SCD5: variants seen among roughly 807,000 people sequenced by gnomAD.
SCD5 encodes stearoyl-CoA desaturase 5, also known as acyl-CoA-desaturase 4.
A neutral mutation model predicts 30.4 loss-of-function variants in SCD5; 20 were observed. The ratio of observed to expected loss-of-function variants is 0.66; its 90% CI spans 0.46 to 0.96. SCD5 has a LOEUF of 0.96. Among genes scored for constraint, SCD5 ranks in the 40% least tolerant of loss-of-function variants. The pLI is 0.00. For missense variants in SCD5, 381 were observed against 443.3 expected (o/e 0.86, Z 1.26); for synonymous variants, 173 against 176.4 (o/e 0.98, Z 0.16).
At chr4:82,710,707 C>G (rs1720063956) in intron 1 of SCD5, among the ~76,000 whole-genome samples, 1 of 151,904 alleles carries the variant, frequency 6.6e-6, no homozygotes, top group Non-Finnish European at 1.5e-5. Flanking sequence ...AAAGTCAGTT[C>G]TGGGCTCTGG....
At chr4:82,732,123 CGGAG>C (rs1399661305) in intron 1 of SCD5, among the ~76,000 whole-genome samples, 2 of 151,808 alleles carry the variant, frequency 1.3e-5, no homozygotes, top group South Asian at 4.2e-4. Context: ...TTTTTTGAGA[CGGAG>C]TCTTGCTCTG....
rs112745249 is a variant in SCD5 at position 82,767,600 on chromosome 4, T to C, written c.232+30706A>G. ...CAGACAGAATGACAAACCCAGGCCC[T>C]GTTACTCCATCTTGGCTGGAAGCAG... On this transcript the variant is annotated intron_variant, in intron 1 of 4. Coordinates refer to ENST00000319540, the MANE Select transcript of SCD5 (RefSeq NM_001037582.3). Among the ~76,000 whole-genome samples the C allele has an allele frequency of 5.3e-3, 806 of 152,346 alleles. 3 individuals carry two copies. The highest frequency in any genetic ancestry group is 0.011 in the Admixed American group (172 of 15,302).
chr4:82,693,063 T>C (rs949478625), intron 2 of SCD5, among the ~76,000 whole-genome samples: 1 of 152,102 alleles, frequency 6.6e-6, no homozygotes, highest in Non-Finnish European at 1.5e-5. Context: ...GACACCCTGG[T>C]TGGATGGGGG....
intron 1 of SCD5, among the ~76,000 whole-genome samples, chr4:82,762,748 T>A (rs114839257): frequency 0.016 from 2,482 of 152,342 alleles, 35 homozygotes; most frequent in Non-Finnish European, 0.026. Flanking sequence ...AACAACATTG[T>A]TTATTTGGAG....
At chr4:82,743,522 T>TTA (rs543413157) in intron 1 of SCD5, among the ~76,000 whole-genome samples, 80 of 151,854 alleles carry the variant, frequency 5.3e-4, no homozygotes, top group Admixed American at 3.5e-3. Flanking sequence ...AGGAAAAAAG[T>TTA]TATATATATA....
At chr4:82,668,630 T>C (rs1403905156) in intron 3 of SCD5, among the ~76,000 whole-genome samples, 1 of 152,210 alleles carries the variant, frequency 6.6e-6, no homozygotes, top group African/African-American at 2.4e-5. Context: ...TATTAAACTG[T>C]GAGCTGGCAG....
intron 1 of SCD5, among the ~76,000 whole-genome samples, chr4:82,788,970 T>C (rs1164576311): frequency 6.6e-6 from 1 of 152,200 alleles, no homozygotes; most frequent in Non-Finnish European, 1.5e-5. Flanking sequence ...TCAGTGAAAT[T>C]AGAAATTTTC....
intron 1 of SCD5, among the ~76,000 whole-genome samples, chr4:82,779,274 G>A (rs922846597): frequency 2.0e-5 from 3 of 152,122 alleles, no homozygotes; most frequent in Non-Finnish European, 2.9e-5. Flanking sequence ...GGAGGCCAGC[G>A]TGATGTCATG....
intron 1 of SCD5, among the ~76,000 whole-genome samples, chr4:82,720,435 C>G (rs77045901): frequency 6.9e-5 from 1 of 14,396 alleles, no homozygotes; most frequent in African/African-American, 7.8e-4. Context: ...TCAAAAAAGG[C>G]AAAAATAAAA....
chr4:82,740,802 T>C (rs1334415710), intron 1 of SCD5, among the ~76,000 whole-genome samples: 3 of 152,208 alleles, frequency 2.0e-5, no homozygotes, highest in African/African-American at 4.8e-5. Flanking sequence ...TTTTAATTCT[T>C]CCCCTAATCC....
chr4:82,683,761 C>T (rs938476178), intron 2 of SCD5, among the ~76,000 whole-genome samples: 10 of 152,108 alleles, frequency 6.6e-5, no homozygotes, highest in Admixed American at 2.0e-4. Context: ...TGAGTTCTCA[C>T]GAGATCTGAT....
chr4:82,691,903 G>A (rs1417427342), intron 2 of SCD5: 1 of 152,380 alleles, frequency 6.6e-6, no homozygotes, highest in Non-Finnish European at 1.5e-5. Context: ...TGTGTCTGGT[G>A]TTACTGGTGC....
At chr4:82,662,119 C>A (rs1728024547) in intron 3 of SCD5, among the ~76,000 whole-genome samples, 1 of 152,178 alleles carries the variant, frequency 6.6e-6, no homozygotes, top group African/African-American at 2.4e-5. Context: ...TGCAGTGGCT[C>A]AATCACAGCT....
intron 1 of SCD5, among the ~76,000 whole-genome samples, chr4:82,742,646 G>A (rs1720900741): frequency 6.6e-6 from 1 of 152,114 alleles, no homozygotes; most frequent in African/African-American, 2.4e-5. Flanking sequence ...AATTAGCTGG[G>A]CATGGTGGCT....
At chr4:82,697,708 C>T (rs768996757) in intron 2 of SCD5, among the ~76,000 whole-genome samples, 2 of 152,120 alleles carry the variant, frequency 1.3e-5, no homozygotes, top group Admixed American at 6.6e-5. Flanking sequence ...AAGAAAATGC[C>T]GTACCCCACG....
chr4:82,727,777 G>A (rs758812152), intron 1 of SCD5, among the ~76,000 whole-genome samples: 4 of 152,114 alleles, frequency 2.6e-5, no homozygotes, highest in Admixed American at 1.3e-4. Context: ...CCGCGATCTC[G>A]GTTCACTGCA....
intron 1 of SCD5, among the ~76,000 whole-genome samples, chr4:82,728,594 T>C (rs72918734): frequency 0.013 from 1,932 of 152,230 alleles, 39 homozygotes; most frequent in African/African-American, 0.044. Flanking sequence ...TCGCTACTCA[T>C]GACTCAACTG....
At chr4:82,648,729 GCTCC>G (rs201957427) in intron 3 of SCD5, among the ~76,000 whole-genome samples, 8,314 of 152,082 alleles carry the variant, frequency 0.055, 346 homozygotes, top group African/African-American at 0.12. Context: ...TTGCTTCTTT[GCTCC>G]TTCTAACTTG....
chr4:82,679,220 A>AAAT (rs1553915588), intron 3 of SCD5, among the ~76,000 whole-genome samples: 1 of 32,224 alleles, frequency 3.1e-5, no homozygotes, highest in Non-Finnish European at 5.7e-5. Context: ...AAAAAGAAAG[A>AAAT]AAAGAAAGAA....
Sources: gnomAD v4.1 joint callset for allele counts (sites outside exome capture counted in the v4.1 genomes callset) on GRCh38, gnomAD v4.1.1 for gene constraint, MANE v1.5 for transcripts, NCBI Gene and HGNC (gene_info 2026-07-23, HGNC 2026-07-21) for gene names.